Variants in CADM1 observed in about 807,000 individuals in gnomAD.
CADM1 encodes cell adhesion molecule 1.
A neutral mutation model predicts 53.1 loss-of-function variants in CADM1; 15 were observed. The observed-to-expected ratio is 0.28, with a 90% CI of 0.19 to 0.44. The LOEUF is 0.44. CADM1 is among the 20% of genes least tolerant of loss of function. The probability of loss-of-function intolerance (pLI) is 1.00; values close to 1 mark genes in which losing one functional copy is unlikely to be tolerated. For synonymous variants in CADM1, 281 were observed against 243.0 expected (o/e 1.16, Z -1.45); for missense variants, 434 against 611.3 (o/e 0.71, Z 3.06).
At chr11:115,434,634 C>T (rs899019125) in intron 1 of CADM1, among the ~76,000 whole-genome samples, 5 of 151,964 alleles carry the variant, frequency 3.3e-5, no homozygotes, top group Admixed American at 3.3e-4. Context: ...CAGCCCTTAC[C>T]CCAGCGTCAG....
chr11:115,285,385 T>C (rs916071896), intron 1 of CADM1, among the ~76,000 whole-genome samples: 1 of 152,190 alleles, frequency 6.6e-6, no homozygotes, highest in Non-Finnish European at 1.5e-5. Flanking sequence ...CATTAGTTCA[T>C]TTACCCTCAA....
intron 1 of CADM1, among the ~76,000 whole-genome samples, chr11:115,337,980 A>G (rs1422375258): frequency 3.3e-5 from 5 of 152,166 alleles, no homozygotes; most frequent in Admixed American, 6.6e-5. Context: ...CAAAGCTGGT[A>G]GCATACTGGT....
intron 1 of CADM1, among the ~76,000 whole-genome samples, chr11:115,348,226 C>T (rs1945634660): frequency 6.6e-6 from 1 of 152,058 alleles, no homozygotes; most frequent in Non-Finnish European, 1.5e-5. Flanking sequence ...CCTTAACTAC[C>T]AGAATAGAGT....
At chr11:115,284,114 C>CTCTCTCTCTCTCTCTGTGTGTGTG (rs1351842329) in intron 1 of CADM1, among the ~76,000 whole-genome samples, 2 of 98,616 alleles carry the variant, frequency 2.0e-5, no homozygotes, top group Non-Finnish European at 4.2e-5. Context: ...CTCTCTCTCT[C>CTCTCTCTCTCTCTCTGTGTGTGTG]TGTGTGTGTG....
intron 1 of CADM1, among the ~76,000 whole-genome samples, chr11:115,252,288 A>G (rs1384174096): frequency 6.6e-6 from 1 of 152,228 alleles, no homozygotes; most frequent in East Asian, 1.9e-4. Context: ...TTTAAGCTCC[A>G]AAAATGCTAA....
intron 1 of CADM1, among the ~76,000 whole-genome samples, chr11:115,496,903 A>G (rs1267338264): frequency 6.6e-6 from 1 of 152,188 alleles, no homozygotes; most frequent in East Asian, 1.9e-4. Context: ...CTACTGCAAA[A>G]AGATTAAAGG....
intron 8 of CADM1, among the ~76,000 whole-genome samples, chr11:115,207,928 C>G (rs4388920): frequency 1 from 151,949 of 152,364 alleles, 75,768 homozygotes; most frequent in Non-Finnish European, 1. Flanking sequence ...AACTGGGTAG[C>G]AGGCAAGAAA....
intron 1 of CADM1, among the ~76,000 whole-genome samples, chr11:115,266,746 G>A (rs763040643): frequency 2.0e-5 from 3 of 152,118 alleles, no homozygotes; most frequent in Non-Finnish European, 4.4e-5. Flanking sequence ...TTTCTAAATG[G>A]AATCTGAGAT....
intron 1 of CADM1, among the ~76,000 whole-genome samples, chr11:115,319,424 A>G (rs1944763198): frequency 6.6e-6 from 1 of 152,184 alleles, no homozygotes; most frequent in Non-Finnish European, 1.5e-5. Flanking sequence ...TTGTGGAAGC[A>G]CCATACGTGC....
At chr11:115,352,905 T>G (rs1945772680) in intron 1 of CADM1, among the ~76,000 whole-genome samples, 1 of 152,208 alleles carries the variant, frequency 6.6e-6, no homozygotes, top group Admixed American at 6.5e-5. Flanking sequence ...ATGTACCACA[T>G]TTTCTTCATC....
In CADM1 at chr11:115,214,037, T is replaced by C. The variant is rs919165738; in HGVS notation, c.994+571A>G. Among the ~76,000 whole-genome samples the C allele has an allele frequency of 3.3e-5, 5 of 149,504 alleles. No individual in the cohort carries two copies. The South Asian group carries it at 8.6e-4, about 26-fold the overall frequency. ...AATAAAATTCATGATGTTTTAATAA[T>C]CCTGTAAAATGATATTAAAAAAACA... On this transcript the variant is annotated intron_variant, in intron 7 of 11. Coordinates refer to ENST00000331581, the MANE Select transcript of CADM1 (RefSeq NM_001301043.2).
chr11:115,273,298 A>C, intron 1 of CADM1, among the ~76,000 whole-genome samples: 1 of 152,254 alleles, frequency 6.6e-6, no homozygotes, highest in East Asian at 1.9e-4. Flanking sequence ...AAGAATGTCT[A>C]TACTACAGTG....
At chr11:115,322,712 C>T (rs1005578643) in intron 1 of CADM1, among the ~76,000 whole-genome samples, 3 of 152,110 alleles carry the variant, frequency 2.0e-5, no homozygotes, top group African/African-American at 7.2e-5. Context: ...TTTCAAGGCT[C>T]ATCCATGTCA....
At chr11:115,251,497 A>G (rs1942604870) in intron 1 of CADM1, among the ~76,000 whole-genome samples, 1 of 152,196 alleles carries the variant, frequency 6.6e-6, no homozygotes, top group Admixed American at 6.5e-5. Flanking sequence ...TCTAGAGTGT[A>G]TTCTGTGAGT....
Position 115,448,654 on chromosome 11 carries a change from T to TG in CADM1, c.124+55616dup, listed in dbSNP as rs1351727533. On this transcript the variant is annotated intron_variant, in intron 1 of 11. Coordinates refer to ENST00000331581, the MANE Select transcript of CADM1 (RefSeq NM_001301043.2). Reference sequence around the variant, plus strand: ...CCAAGAATAACCCATTAATGTGTGTTGGGGGGTAGGAGGGGGTGGGGTGGG... The same window carrying TG: ...CCAAGAATAACCCATTAATGTGTGTTGGGGGGGTAGGAGGGGGTGGGGTGGG... 2.2e-4 allele frequency among the ~76,000 whole-genome samples: 8 copies of TG among 36,190 alleles called. 1 individual carries two copies. In the South Asian group the frequency reaches 7.3e-3, roughly 33 times the overall value. The allele number at this position is 36,190 out of a possible 152,430, so 23.7% of individuals were successfully genotyped here.
chr11:115,392,995 T>C (rs900079402), intron 1 of CADM1, among the ~76,000 whole-genome samples: 1 of 142,340 alleles, frequency 7.0e-6, no homozygotes, highest in African/African-American at 2.6e-5. Flanking sequence ...AGGGCTGTAG[T>C]ATGCCATGCT....
chr11:115,375,342 G>T lies in CADM1; in HGVS notation c.124+128929C>A, dbSNP rs953457314. Among the ~76,000 whole-genome samples the T allele has an allele frequency of 7.2e-5, 11 of 152,152 alleles. No individual in the cohort carries two copies. The East Asian group carries it at 2.1e-3, about 29-fold the overall frequency. ...AGTTCAAATCCTGGTTATCACTGGGGAGGAAGGAAGCGCAGTAATTTTGAG... is the reference window on the plus strand; with the variant it reads ...AGTTCAAATCCTGGTTATCACTGGGTAGGAAGGAAGCGCAGTAATTTTGAG... On this transcript the variant is annotated intron_variant, in intron 1 of 11. Transcript: ENST00000331581.
At position 115,174,702 on chromosome 11, in the gene CADM1, T is replaced by C; in HGVS notation, c.*1772A>G. 1 of 956,120 alleles carries C rather than the reference T, an allele frequency of 1.0e-6. No individual in the cohort carries two copies. Among genetic ancestry groups the C allele is most frequent in the African/African-American group, 1.8e-5 (1 of 56,740 alleles). The allele number at this position is 956,120 out of a possible 1,614,324, so 59.2% of individuals were successfully genotyped here. On this transcript the variant is annotated 3_prime_UTR_variant, in exon 12 of 12. Coordinates refer to ENST00000331581, the MANE Select transcript of CADM1 (RefSeq NM_001301043.2). ...ATGTAACAATAGTAAAAATGCACCTTGCAAAATCCAAAATTACTCACTGAA... is the reference window on the plus strand; with the variant it reads ...ATGTAACAATAGTAAAAATGCACCTCGCAAAATCCAAAATTACTCACTGAA...
At chr11:115,419,623 T>C (rs1462585959) in intron 1 of CADM1, among the ~76,000 whole-genome samples, 1 of 152,178 alleles carries the variant, frequency 6.6e-6, no homozygotes, top group Non-Finnish European at 1.5e-5. Context: ...TCTTGTCTTT[T>C]AAAGTAGGAA....
Sources: gnomAD v4.1 joint callset for allele counts (sites outside exome capture counted in the v4.1 genomes callset) on GRCh38, gnomAD v4.1.1 for gene constraint, MANE v1.5 for transcripts, NCBI Gene and HGNC (gene_info 2026-07-23, HGNC 2026-07-21) for gene names.